The following ZBTB49 variants were observed in gnomAD, a reference collection of about 807,000 sequenced individuals.
The protein encoded by ZBTB49 is zinc finger and BTB domain-containing protein 49.
A neutral mutation model predicts 57.5 loss-of-function variants in ZBTB49; 43 were observed. The ratio of observed to expected loss-of-function variants is 0.75; its 90% CI spans 0.59 to 0.97. ZBTB49 has a LOEUF of 0.97. ZBTB49 is among the 50% of genes least tolerant of loss of function. The pLI is 0.00. For missense variants in ZBTB49, 938 were observed against 947.7 expected, an observed-to-expected ratio of 0.99 and a Z score of 0.13; for synonymous variants, 369 against 362.1, an observed-to-expected ratio of 1.02 and a Z score of -0.22.
intron 5 of ZBTB49, among the ~76,000 whole-genome samples, chr4:4,315,051 C>T (rs999132292): frequency 6.6e-6 from 1 of 152,228 alleles, no homozygotes; most frequent in African/African-American, 2.4e-5. Context: ...AGCTTATTCT[C>T]TGGGGATATT....
Position 4,321,447 on chromosome 4 carries a change from G to C in ZBTB49, c.*131G>C. The C allele has an allele frequency of 1.0e-6, 1 of 974,004 alleles. No homozygotes were observed. Among genetic ancestry groups the C allele is most frequent in the South Asian group, 1.6e-5 (1 of 64,372 alleles). The allele number at this position is 974,004 out of a possible 1,614,324, so 60.3% of individuals were successfully genotyped here. ...GAGAATAGGTAGCTTCCCTCCTGAT[G>C]ATGGCTCATAATCTGAAGCATCTTG... On this transcript the variant is annotated 3_prime_UTR_variant, in exon 8 of 8. Coordinates refer to ENST00000337872, the MANE Select transcript of ZBTB49 (RefSeq NM_145291.4).
intron 7 of ZBTB49, 34 bp from the exon 8 acceptor site, chr4:4,320,606 T>G (rs549736766): frequency 9.9e-6 from 16 of 1,612,058 alleles, no homozygotes; most frequent in African/African-American, 2.7e-5. Context: ...GAGACCCTGT[T>G]TAAGTAAATA....
Position 4,302,573 on chromosome 4 carries a change from C to T in ZBTB49, c.737C>T (p.Ser246Phe), listed in dbSNP as rs770607470. The change falls in exon 3 of 8, where the codon TCT becomes TTT. Residue 246 changes from serine to phenylalanine, a missense_variant. Ser to Phe is a radical substitution (Grantham distance 155). Transcript: ENST00000337872. ...GAGCAGCCTTTTGCTTTCAGCACCT[C>T]TACAGACCTTACCACGGTAGAGAGC... Reference protein sequence around the residue: ...VVEQPFAFSTSTDLTTVESQP... With the variant: ...VVEQPFAFSTFTDLTTVESQP... 9 of 1,614,062 alleles carry T rather than the reference C, an allele frequency of 5.6e-6. No individual in the cohort carries two copies. The highest frequency in any genetic ancestry group is 7.6e-6 in the Non-Finnish European group (9 of 1,180,000).
chr4:4,309,374 C>A (rs767281472), intron 4 of ZBTB49, among the ~76,000 whole-genome samples: 1 of 152,124 alleles, frequency 6.6e-6, no homozygotes, highest in East Asian at 1.9e-4. Context: ...ATGACTGAGT[C>A]GCAGTCAGAG....
chr4:4,302,617 C>A lies in ZBTB49; in HGVS notation c.781C>A (p.His261Asn). 1 of 1,613,118 alleles carries A rather than the reference C, an allele frequency of 6.2e-7. No homozygotes were observed. Among genetic ancestry groups the A allele is most frequent in the South Asian group, 1.1e-5 (1 of 90,902 alleles). The change falls in exon 3 of 8, where the codon CAT becomes AAT. Residue 261 changes from histidine to asparagine, a missense_variant. Around this residue, in one of 3 missense-constraint regions of ZBTB49, gnomAD observed 835 missense variants for 819.1 expected, o/e 1.02. Coordinates refer to ENST00000337872, the MANE Select transcript of ZBTB49 (RefSeq NM_145291.4). ...TVESQPCAVS[H>N]SECILESPEH... ...AGAGAGCCAGCCTTGTGCCGTCAGT[C>A]ATTCTGAATGCATCCTGGAGTCTCC...
chr4:4,312,200 G>C (rs1380337369), intron 4 of ZBTB49, among the ~76,000 whole-genome samples: 1 of 151,440 alleles, frequency 6.6e-6, no homozygotes, highest in Non-Finnish European at 1.5e-5. Flanking sequence ...ACAGAACACT[G>C]TACAAAATTA....
At chr4:4,292,276 G>A (rs761876586) in intron 1 of ZBTB49, among the ~76,000 whole-genome samples, 8 of 152,226 alleles carry the variant, frequency 5.3e-5, no homozygotes, top group South Asian at 4.1e-4. Flanking sequence ...GCAAGACTGC[G>A]TCTCGGAAAA....
At chr4:4,298,761 A>T (rs982394055) in intron 1 of ZBTB49, among the ~76,000 whole-genome samples, 1 of 152,060 alleles carries the variant, frequency 6.6e-6, no homozygotes, top group Non-Finnish European at 1.5e-5. Context: ...TCTTGTCCCA[A>T]ACTGGTTCCA....
rs896414245 is a variant in ZBTB49 at position 4,316,106 on chromosome 4, C to G, written c.1621+136C>G. On this transcript the variant is annotated intron_variant, in intron 7 of 7. Coordinates refer to ENST00000337872, the MANE Select transcript of ZBTB49 (RefSeq NM_145291.4). Reference sequence around the variant, plus strand: ...GTTTTTTTATTGCCTCACATGATCTCTCATTCATTCCTGCATTTGTGTGTC... The same window carrying G: ...GTTTTTTTATTGCCTCACATGATCTGTCATTCATTCCTGCATTTGTGTGTC... The G allele has an allele frequency of 1.2e-4, 137 of 1,160,606 alleles. 1 individual carries two copies. In the Middle Eastern group the frequency reaches 2.0e-3, roughly 17 times the overall value. 71.9% of individuals were successfully genotyped at this position (1,160,606 alleles called of 1,614,324 possible). A position where few individuals can be genotyped will look rare whatever the true frequency, so the allele number is the denominator to read the frequency against.
At chr4:4,312,961 A>G in intron 4 of ZBTB49, 80 bp from the exon 5 acceptor site, 1 of 1,435,074 alleles carries the variant, frequency 7.0e-7, no homozygotes, top group Non-Finnish European at 9.6e-7. Flanking sequence ...TAAATGTGTC[A>G]GTTTTCCTTT....
intron 1 of ZBTB49, among the ~76,000 whole-genome samples, chr4:4,296,570 G>C (rs2920175): frequency 0.74 from 111,955 of 152,182 alleles, 42,731 homozygotes; most frequent in Non-Finnish European, 0.83. Context: ...GCCTCTCCAG[G>C]CATGTGGAAC....
At chr4:4,311,412 T>G (rs1720975500) in intron 4 of ZBTB49, among the ~76,000 whole-genome samples, 1 of 152,192 alleles carries the variant, frequency 6.6e-6, no homozygotes, top group Admixed American at 6.5e-5. Flanking sequence ...AAAACACTGG[T>G]GTATTATTTT....
chr4:4,309,823 G>A (rs180765606), intron 4 of ZBTB49, among the ~76,000 whole-genome samples: 4 of 152,194 alleles, frequency 2.6e-5, no homozygotes, highest in African/African-American at 9.6e-5. Flanking sequence ...GGTTATATTT[G>A]CCACACCTTT....
chr4:4,298,486 G>T (rs1720322045), intron 1 of ZBTB49, among the ~76,000 whole-genome samples: 1 of 151,160 alleles, frequency 6.6e-6, no homozygotes. Context: ...GAGGGCAGTG[G>T]TGCCATCATG....
In ZBTB49 at chr4:4,315,674, T is replaced by C. The variant is rs768046811; in HGVS notation, c.1415T>C (p.Ile472Thr). The change falls in exon 6 of 8, where the codon ATT (isoleucine) becomes ACT (threonine). Residue 472 changes from isoleucine to threonine, a missense_variant. Transcript: ENST00000337872. ...ASGDVQRHII[I>T]HSGEKPHLCD... ...GGCGACGTCCAGCGTCACATTATTA[T>C]TCACTCAGGAGAAAAACCACACTTG... 3.1e-6 allele frequency: 5 copies of C among 1,614,222 alleles called. No homozygotes were observed. The highest frequency in any genetic ancestry group is 2.2e-5 in the South Asian group (2 of 91,078).
intron 1 of ZBTB49, among the ~76,000 whole-genome samples, chr4:4,299,710 G>A (rs922834770): frequency 6.6e-6 from 1 of 152,076 alleles, no homozygotes; most frequent in African/African-American, 2.4e-5. Flanking sequence ...AGTGCAGATA[G>A]AGAGCATTTC....
rs780692926 is a variant in ZBTB49 at position 4,306,146 on chromosome 4, C to G, written c.1264C>G (p.Pro422Ala). 1.2e-5 allele frequency: 19 copies of G among 1,612,290 alleles called. No individual in the cohort carries two copies. The highest frequency in any genetic ancestry group is 1.6e-5 in the Non-Finnish European group (19 of 1,179,464). The change falls in exon 4 of 8, where the codon CCT (proline) becomes GCT (alanine). Residue 422 changes from proline to alanine, a missense_variant. Pro to Ala is a conservative substitution (Grantham distance 27, BLOSUM62 -1). Transcript: ENST00000337872. ...LHKRSHTGEK[P>A]FECNICGKHF... Reference sequence around the variant, plus strand: ...GTTTTGTTTTGTTTTAGGTGAGAAACCTTTTGAATGTAACATTTGTGGGAA... The same window carrying G: ...GTTTTGTTTTGTTTTAGGTGAGAAAGCTTTTGAATGTAACATTTGTGGGAA...
chr4:4,300,800 G>A (rs1720440472), intron 2 of ZBTB49, among the ~76,000 whole-genome samples: 1 of 149,480 alleles, frequency 6.7e-6, no homozygotes, highest in Non-Finnish European at 1.5e-5. Flanking sequence ...AAAAAAAATT[G>A]TTAGAGTTAA....
chr4:4,292,523 T>C (rs570917950), intron 1 of ZBTB49, among the ~76,000 whole-genome samples: 1,577 of 152,328 alleles, frequency 0.01, 114 homozygotes, highest in Admixed American at 0.097. Context: ...GACAATCTGT[T>C]GCACATGTTA....
Sources: allele counts gnomAD v4.1 joint callset (sites outside exome capture counted in the v4.1 genomes callset), GRCh38; gene constraint gnomAD v4.1.1; regional missense constraint gnomAD v4.1.1; transcripts MANE v1.5; gene names NCBI Gene and HGNC (gene_info 2026-07-23, HGNC 2026-07-21).